Variants in PVT1 observed in about 807,000 individuals in gnomAD.
PVT1 encodes Pvt1 oncogene.
intron 4 of PVT1, among the ~76,000 whole-genome samples, chr8:127,994,354 C>T (rs551353927): frequency 2.0e-5 from 3 of 152,334 alleles, no homozygotes; most frequent in African/African-American, 7.2e-5. Context: ...CTCCCCAGCA[C>T]CTTGTGTGGT....
intron 2 of PVT1, among the ~76,000 whole-genome samples, chr8:127,813,086 G>A (rs1402262883): frequency 4.0e-5 from 6 of 150,040 alleles, no homozygotes; most frequent in Non-Finnish European, 7.4e-5. Context: ...CCCTGACTTC[G>A]TGCCGGTTTG....
chr8:127,865,068 C>G (rs1443111302), intron 2 of PVT1, among the ~76,000 whole-genome samples: 2 of 152,214 alleles, frequency 1.3e-5, no homozygotes, highest in Non-Finnish European at 2.9e-5. Context: ...AATCCCACAT[C>G]TCATTCTTAG....
At chr8:127,925,568 AAAT>A (rs1470881723) in intron 3 of PVT1, among the ~76,000 whole-genome samples, 1 of 152,236 alleles carries the variant, frequency 6.6e-6, no homozygotes, top group Non-Finnish European at 1.5e-5. Flanking sequence ...AATTTATTGA[AAAT>A]AATTATTGAG....
chr8:128,093,697 G>A (rs1372300515), intron 5 of PVT1, among the ~76,000 whole-genome samples: 1 of 151,372 alleles, frequency 6.6e-6, no homozygotes, highest in Non-Finnish European at 1.5e-5. Flanking sequence ...GAGCGCTACA[G>A]CACAGTCTCG....
In PVT1 at chr8:127,898,137, G is replaced by A. The variant is rs1356822632; in HGVS notation, n.782+7139G>A. Among the ~76,000 whole-genome samples the A allele has an allele frequency of 1.3e-5, 2 of 149,654 alleles. No homozygotes were observed. The highest frequency in any genetic ancestry group is 3.0e-5 in the Non-Finnish European group (2 of 67,430). On this transcript the variant is annotated intron_variant and non_coding_transcript_variant, in intron 3 of 10. Coordinates refer to ENST00000651587, the Ensembl canonical transcript of PVT1. The surrounding 1 kb of genome is among the most constrained non-coding windows in gnomAD (Gnocchi z 4.4). ...AAGGAAGAAAGAAGGAAAGAAAGAA[G>A]ATTCATTATTCTGTCCTCTGAACCT...
chr8:127,910,199 C>A (rs888569065), intron 3 of PVT1, among the ~76,000 whole-genome samples: 1 of 151,992 alleles, frequency 6.6e-6, no homozygotes, highest in Non-Finnish European at 1.5e-5. Context: ...CTGCTGGCCA[C>A]GCAAGGGGAA....
intron 4 of PVT1, among the ~76,000 whole-genome samples, chr8:128,012,555 T>C (rs1817325913): frequency 6.6e-6 from 1 of 152,202 alleles, no homozygotes; most frequent in South Asian, 2.1e-4. Context: ...TTCAAATGAA[T>C]GTGAGCCAAC....
rs151336453 is a variant in PVT1, at chr8:127,974,391, GCATCAT to G, written n.783-14752_783-14747del. On this transcript the variant is annotated intron_variant and non_coding_transcript_variant, in intron 3 of 10. Coordinates refer to ENST00000651587, the Ensembl canonical transcript of PVT1. ...ATTGAAGTTTTCCCAAAAAAAGTCAGCATCATCATCATCATCATCATCATTATTATT... is the reference window on the plus strand; with the variant it reads ...ATTGAAGTTTTCCCAAAAAAAGTCAGCATCATCATCATCATCATTATTATT... Among the ~76,000 whole-genome samples the G allele has an allele frequency of 1.9e-3, 284 of 151,866 alleles. 4 individuals carry two copies. The highest frequency in any genetic ancestry group is 6.7e-3 in the African/African-American group (277 of 41,358).
At chr8:128,042,170 A>G (rs902817455) in intron 4 of PVT1, among the ~76,000 whole-genome samples, 7 of 152,186 alleles carry the variant, frequency 4.6e-5, no homozygotes, top group African/African-American at 1.7e-4. Context: ...CGGTGACTGG[A>G]AAAATGGTTG....
At chr8:127,881,409 A>T (rs986428932) in intron 2 of PVT1, among the ~76,000 whole-genome samples, 33 of 145,518 alleles carry the variant, frequency 2.3e-4, no homozygotes, top group Middle Eastern at 3.6e-3. Context: ...AATAATAATA[A>T]TATTATTATT....
intron 3 of PVT1, among the ~76,000 whole-genome samples, chr8:127,910,691 T>A (rs1470919451): frequency 6.6e-6 from 1 of 152,198 alleles, no homozygotes; most frequent in African/African-American, 2.4e-5. Flanking sequence ...TGTTAAATAA[T>A]TTAATTCCTG....
At chr8:127,852,548 A>G (rs1014482310) in intron 2 of PVT1, among the ~76,000 whole-genome samples, 2 of 152,198 alleles carry the variant, frequency 1.3e-5, no homozygotes, top group African/African-American at 4.8e-5. Context: ...TGTGTGAAAT[A>G]GGAGATTTTA....
intron 3 of PVT1, among the ~76,000 whole-genome samples, chr8:127,973,756 A>C (rs1210432355): frequency 3.2e-5 from 2 of 61,680 alleles, no homozygotes; most frequent in Non-Finnish European, 5.8e-5. Flanking sequence ...AGGTGGGTGG[A>C]TCAACGAGGT....
chr8:128,060,682 A>C (rs1813819471), intron 4 of PVT1, among the ~76,000 whole-genome samples: 1 of 152,142 alleles, frequency 6.6e-6, no homozygotes, highest in African/African-American at 2.4e-5. Context: ...TTGCAGTTAA[A>C]CTTCCGATGA....
chr8:127,876,068 C>CT (rs202183327), intron 2 of PVT1, among the ~76,000 whole-genome samples: 1 of 151,882 alleles, frequency 6.6e-6, no homozygotes. Flanking sequence ...AACAGAGTTA[C>CT]GGGGTTGGGC....
chr8:127,989,866 C>G (rs778303042), intron 4 of PVT1, among the ~76,000 whole-genome samples: 1 of 152,150 alleles, frequency 6.6e-6, no homozygotes, highest in Admixed American at 6.5e-5. Flanking sequence ...ACAAGTCACT[C>G]AGCCTCTCAA....
chr8:127,840,741 GGCACCGAACTGGTCCT>G (rs549961372), intron 2 of PVT1, among the ~76,000 whole-genome samples: 144 of 152,362 alleles, frequency 9.5e-4, no homozygotes, highest in Middle Eastern at 3.4e-3. Context: ...CTAAGAGGGT[GGCACCGAACTGGTCCT>G]GCCCATGCAG....
At chr8:127,978,365 G>T (rs537913535) in intron 3 of PVT1, among the ~76,000 whole-genome samples, 26 of 152,034 alleles carry the variant, frequency 1.7e-4, no homozygotes, top group African/African-American at 6.0e-4. Flanking sequence ...TCACTATGTT[G>T]CCCAGGCTGA....
At chr8:127,805,076 G>A (rs565045822) in intron 2 of PVT1, among the ~76,000 whole-genome samples, 1 of 151,318 alleles carries the variant, frequency 6.6e-6, no homozygotes, top group Non-Finnish European at 1.5e-5. Flanking sequence ...CATTACAGGC[G>A]CTCACCACCA....
Sources: gnomAD v4.1 joint callset for allele counts (sites outside exome capture counted in the v4.1 genomes callset) on GRCh38, gnomAD v4.1.1 for gene constraint, Gnocchi (gnomAD v3.1) non-coding constraint, MANE v1.5 for transcripts, NCBI Gene and HGNC (gene_info 2026-07-23, HGNC 2026-07-21) for gene names.